Variants in NFIB observed in about 807,000 individuals in gnomAD.
The protein encoded by NFIB is nuclear factor 1 B-type.
A neutral mutation model predicts 61.5 loss-of-function variants in NFIB; 11 were observed. That is an observed-to-expected ratio of 0.18 (90% confidence interval 0.11 to 0.30). NFIB has a LOEUF of 0.30. Ranked by LOEUF, NFIB falls within the 10% of genes least tolerant of loss-of-function variation. The pLI, the probability that NFIB is intolerant of heterozygous loss-of-function variation, is 1.00. For missense variants in NFIB, 471 were observed against 608.9 expected (o/e 0.77, Z 2.38); for synonymous variants, 260 against 216.5 (o/e 1.20, Z -1.76).
At chr9:14,454,398 T>C in the NFIB span, among the ~76,000 whole-genome samples, 3 of 152,250 alleles carry the variant, frequency 2.0e-5, no homozygotes, top group African/African-American at 7.2e-5. Context: ...TCCAAAATGT[T>C]TGAATGACAT....
chr9:14,385,784 CTT>C (rs533472565), intron 1 of NFIB, among the ~76,000 whole-genome samples: 36 of 139,726 alleles, frequency 2.6e-4, no homozygotes, highest in Middle Eastern at 3.7e-3. Flanking sequence ...ACAGTGGAAT[CTT>C]TTTTTTTTTT....
At chr9:14,387,436 T>C (rs772297699) in intron 1 of NFIB, among the ~76,000 whole-genome samples, 8 of 152,210 alleles carry the variant, frequency 5.3e-5, no homozygotes, top group African/African-American at 7.2e-5. Context: ...GTAAGCCAGG[T>C]ATTGGAGTAA....
At chr9:14,326,476 A>G (rs1394758606) in intron 1 of NFIB, among the ~76,000 whole-genome samples, 3 of 152,178 alleles carry the variant, frequency 2.0e-5, no homozygotes, top group Non-Finnish European at 4.4e-5. Flanking sequence ...TTCACTAACT[A>G]CATGCTGCAC....
Position 14,313,739 on chromosome 9 carries a change from C to T in NFIB, c.-228G>A, listed in dbSNP as rs2060402194. The T allele has an allele frequency of 7.2e-7, 1 of 1,393,880 alleles. No individual in the cohort carries two copies. The highest frequency in any genetic ancestry group is 9.3e-7 in the Non-Finnish European group (1 of 1,075,940). The allele number at this position is 1,393,880 out of a possible 1,614,324, so 86.3% of individuals were successfully genotyped here. ...TTCCAGGGGTGAAATCCAATCTACACTTTTAACCCTCTTGCAGTCCGAGCG... is the reference window on the plus strand; with the variant it reads ...TTCCAGGGGTGAAATCCAATCTACATTTTTAACCCTCTTGCAGTCCGAGCG... On this transcript the variant is annotated 5_prime_UTR_variant, in exon 1 of 11. In the 5' UTR this introduces an upstream ATG that the reference lacks. Coordinates refer to ENST00000380953, the MANE Select transcript of NFIB (RefSeq NM_001190737.2). The surrounding 1 kb of genome is among the most constrained non-coding windows in gnomAD (Gnocchi z 4.5).
At chr9:14,513,265 T>G in the NFIB span, among the ~76,000 whole-genome samples, 41 of 152,326 alleles carry the variant, frequency 2.7e-4, no homozygotes, top group South Asian at 8.3e-3. Flanking sequence ...AAACTTGTTC[T>G]TACTCTCCTA....
intron 1 of NFIB, among the ~76,000 whole-genome samples, chr9:14,379,635 C>A (rs2061461061): frequency 6.6e-6 from 1 of 152,154 alleles, no homozygotes; most frequent in Non-Finnish European, 1.5e-5. Context: ...TACAATCACA[C>A]TGCAGAATTT....
chr9:14,191,053 C>T (rs1337035062), intron 2 of NFIB, among the ~76,000 whole-genome samples: 4 of 152,100 alleles, frequency 2.6e-5, no homozygotes, highest in African/African-American at 9.6e-5. Context: ...ATTAGCTGGG[C>T]GTAGTGGTGG....
At chr9:14,113,972 T>A (rs2037765709) in intron 9 of NFIB, among the ~76,000 whole-genome samples, 1 of 152,198 alleles carries the variant, frequency 6.6e-6, no homozygotes, top group South Asian at 2.1e-4. Context: ...GACTGAGGTA[T>A]CTTCCCAGAA....
intron 6 of NFIB, among the ~76,000 whole-genome samples, chr9:14,129,097 C>T (rs535813289): frequency 4.6e-5 from 7 of 151,974 alleles, no homozygotes; most frequent in African/African-American, 1.7e-4. Context: ...ACAGAAGAAA[C>T]AGAATACAAT....
At chr9:14,314,894 C>T (rs1055989088), upstream of NFIB, among the ~76,000 whole-genome samples, 4 of 151,854 alleles carry the variant, frequency 2.6e-5, no homozygotes, top group Admixed American at 6.5e-5. Context: ...TATTTCGGTG[C>T]TCGCTGCGGA....
In NFIB at chr9:14,153,634, C is replaced by T. The variant is rs73411946; in HGVS notation, c.685+2191G>A. On this transcript the variant is annotated intron_variant, in intron 4 of 10. Coordinates refer to ENST00000380953, the MANE Select transcript of NFIB (RefSeq NM_001190737.2). ...TATCATTCAAAAGAGAGATCACTAT[C>T]CTAATGCTGAATGGCTTCATTAGCT... Among the ~76,000 whole-genome samples the T allele has an allele frequency of 3.9e-5, 6 of 152,146 alleles. No individual in the cohort carries two copies. In the South Asian group the frequency reaches 1.2e-3, roughly 32 times the overall value.
Position 14,313,072 on chromosome 9 carries a change from G to C in NFIB, c.30+410C>G, listed in dbSNP as rs1015320953. Among the ~76,000 whole-genome samples, 1 of 152,196 alleles carries C rather than the reference G, an allele frequency of 6.6e-6. No individual in the cohort carries two copies. Among genetic ancestry groups the C allele is most frequent in the East Asian group, 1.9e-4 (1 of 5,182 alleles). Reference sequence around the variant, plus strand: ...CCAAGTTCACTGGCTGTTTTTAAAAGCTTAGTCCCCCGTAAAGTCCTCCAA... The same window carrying C: ...CCAAGTTCACTGGCTGTTTTTAAAACCTTAGTCCCCCGTAAAGTCCTCCAA... On this transcript the variant is annotated intron_variant, in intron 1 of 10. Transcript: ENST00000380953. The surrounding 1 kb of genome is among the most constrained non-coding windows in gnomAD (Gnocchi z 4.5).
At chr9:14,531,183 C>T in the NFIB span, among the ~76,000 whole-genome samples, 1 of 152,112 alleles carries the variant, frequency 6.6e-6, no homozygotes, top group South Asian at 2.1e-4. Flanking sequence ...TTCTCTCTTC[C>T]CAATATTATG....
chr9:14,494,689 C>G, the NFIB span, among the ~76,000 whole-genome samples: 1 of 152,346 alleles, frequency 6.6e-6, no homozygotes. Context: ...CCTTCCTACC[C>G]AGTGATTTTA....
chr9:14,452,063 T>C, the NFIB span, among the ~76,000 whole-genome samples: 3 of 152,202 alleles, frequency 2.0e-5, no homozygotes, highest in Non-Finnish European at 2.9e-5. Context: ...AGTCAATAAC[T>C]ACTTTGACAT....
chr9:14,443,781 G>A, the NFIB span, among the ~76,000 whole-genome samples: 3 of 152,116 alleles, frequency 2.0e-5, no homozygotes, highest in Non-Finnish European at 2.9e-5. Context: ...ACAATAGACT[G>A]TAATATCCGT....
At chr9:14,283,090 A>C (rs72700504) in intron 2 of NFIB, among the ~76,000 whole-genome samples, 6 of 152,166 alleles carry the variant, frequency 3.9e-5, no homozygotes, top group Admixed American at 3.9e-4. Context: ...TAAAGGATTA[A>C]ATAAATAACC....
intron 3 of NFIB, among the ~76,000 whole-genome samples, chr9:14,170,375 C>T (rs1199535173): frequency 6.6e-6 from 1 of 152,126 alleles, no homozygotes; most frequent in African/African-American, 2.4e-5. Context: ...GGCATGGTGG[C>T]TCATGCTTAT....
At chr9:14,202,421 C>T (rs1163670999) in intron 2 of NFIB, among the ~76,000 whole-genome samples, 2 of 152,128 alleles carry the variant, frequency 1.3e-5, no homozygotes, top group Non-Finnish European at 2.9e-5. Context: ...AGTTCGGGAG[C>T]TGAAGAGTCA....
Sources: gnomAD v4.1 joint callset for allele counts (sites outside exome capture counted in the v4.1 genomes callset) on GRCh38, gnomAD v4.1.1 for gene constraint, Gnocchi (gnomAD v3.1) non-coding constraint, MANE v1.5 for transcripts, NCBI Gene and HGNC (gene_info 2026-07-23, HGNC 2026-07-21) for gene names.